Variants in GLIS3 observed in about 807,000 individuals in gnomAD.
GLIS3 encodes GLIS family zinc finger 3, also known as zinc finger protein GLIS3.
In GLIS3, 53 loss-of-function variants were observed where a neutral mutation model predicts 78.6. That is an observed-to-expected ratio of 0.67 (90% CI 0.54 to 0.85). The LOEUF (loss-of-function observed/expected upper bound fraction) is 0.85. GLIS3 is among the 40% of genes least tolerant of loss of function. The pLI is 0.00. For missense variants in GLIS3, 1,703 were observed against 1,231.1 expected, an observed-to-expected ratio of 1.38 and a Z score of -5.74; for synonymous variants, 684 against 509.9, an observed-to-expected ratio of 1.34 and a Z score of -4.60.
At chr9:3,902,560 C>T (rs987913314) in intron 6 of GLIS3, among the ~76,000 whole-genome samples, 3 of 152,204 alleles carry the variant, frequency 2.0e-5, no homozygotes, top group African/African-American at 7.2e-5. Flanking sequence ...GGAAATTTTT[C>T]AGTGACAGGA....
chr9:4,468,103 G>C, the GLIS3 span, among the ~76,000 whole-genome samples: 1 of 152,242 alleles, frequency 6.6e-6, no homozygotes, highest in Admixed American at 6.5e-5. Context: ...AGGGAAAAAA[G>C]AAATGAACAA....
intron 1 of GLIS3, among the ~76,000 whole-genome samples, chr9:4,294,933 T>C (rs1816349681): frequency 6.6e-6 from 1 of 152,238 alleles, no homozygotes; most frequent in Admixed American, 6.5e-5. Context: ...ATTTACTGCC[T>C]GAATAAATAC....
chr9:4,288,520 C>G (rs115915637), intron 1 of GLIS3, among the ~76,000 whole-genome samples: 1 of 151,822 alleles, frequency 6.6e-6, no homozygotes, highest in Non-Finnish European at 1.5e-5. Context: ...AGATCATATA[C>G]GAGCAGGAAT....
the GLIS3 span, among the ~76,000 whole-genome samples, chr9:4,425,971 G>A: frequency 6.6e-6 from 1 of 152,226 alleles, no homozygotes; most frequent in African/African-American, 2.4e-5. Context: ...GTTTGCAAAG[G>A]GTATTTGATC....
chr9:4,446,147 T>C, the GLIS3 span, among the ~76,000 whole-genome samples: 1 of 152,232 alleles, frequency 6.6e-6, no homozygotes. Context: ...CTGGTCTGAA[T>C]GTGTCCCTCC....
rs1588650642 is a variant in GLIS3 at position 4,091,619 on chromosome 9, G to T, written c.1710+26149C>A. On this transcript the variant is annotated intron_variant, in intron 4 of 10. Coordinates refer to ENST00000381971, the MANE Select transcript of GLIS3 (RefSeq NM_001042413.2). The stretch of plus-strand genomic sequence containing the variant: ...ATATGTTCTGAGAAATGTGTTAGGT[G>T]ATTTTGTTGTATAAACAGCAGAGTG... 2.6e-5 allele frequency among the ~76,000 whole-genome samples: 4 copies of T among 152,230 alleles called. No homozygotes were observed. In the South Asian group the frequency reaches 8.3e-4, roughly 32 times the overall value.
At chr9:4,486,191 C>T in the GLIS3 span, among the ~76,000 whole-genome samples, 10 of 152,120 alleles carry the variant, frequency 6.6e-5, no homozygotes, top group Non-Finnish European at 1.2e-4. Context: ...ATCCAATACC[C>T]CAAAATATGG....
At chr9:3,953,791 C>CTG (rs1401426160) in intron 4 of GLIS3, among the ~76,000 whole-genome samples, 1 of 48,002 alleles carries the variant, frequency 2.1e-5, no homozygotes, top group Non-Finnish European at 4.6e-5. Flanking sequence ...CTCTCTCTCT[C>CTG]TCTCTATATA....
chr9:4,242,105 G>A (rs919822924), intron 2 of GLIS3, among the ~76,000 whole-genome samples: 11 of 152,154 alleles, frequency 7.2e-5, no homozygotes, highest in Non-Finnish European at 1.6e-4. Context: ...GGAGTGTGCA[G>A]GGGTGCCCCA....
At chr9:4,387,305 T>C in the GLIS3 span, among the ~76,000 whole-genome samples, 278 of 152,162 alleles carry the variant, frequency 1.8e-3, 1 homozygote, top group African/African-American at 6.5e-3. Context: ...ATTTTTTTTT[T>C]AATTCCCCCT....
intron 2 of GLIS3, among the ~76,000 whole-genome samples, chr9:4,185,620 T>A (rs1212257259): frequency 6.6e-6 from 1 of 152,154 alleles, no homozygotes; most frequent in Non-Finnish European, 1.5e-5. Flanking sequence ...TAAGGAAGGT[T>A]TAATAAGGGG....
chr9:3,940,703 C>G (rs140548323), intron 4 of GLIS3, among the ~76,000 whole-genome samples: 22 of 152,276 alleles, frequency 1.4e-4, no homozygotes, highest in Non-Finnish European at 2.4e-4. Context: ...GAATAGAACA[C>G]AAGGGAGACA....
chr9:3,898,583 AAC>A, intron 7 of GLIS3, 106 bp downstream of exon 7: 2 of 1,326,054 alleles, frequency 1.5e-6, no homozygotes, highest in African/African-American at 2.9e-5. Context: ...GATAAAGAAC[AAC>A]ACAGACGATC....
rs58155144 is a variant in GLIS3, at chr9:3,932,718, G to A, written c.1873-248C>T. 1,897 of 461,724 alleles carry A rather than the reference G, an allele frequency of 4.1e-3. 25 individuals are homozygous for A. Among genetic ancestry groups the A allele is most frequent in the African/African-American group, 0.034 (1,703 of 50,156 alleles). 28.6% of individuals were successfully genotyped at this position (461,724 alleles called of 1,614,324 possible). On this transcript the variant is annotated intron_variant, in intron 5 of 10. Coordinates refer to ENST00000381971, the MANE Select transcript of GLIS3 (RefSeq NM_001042413.2). ...ATGATTTCTAAGAGATTGCTTTAGT[G>A]TGTGCTCTAACCACAAAACCTCTTG...
At chr9:4,006,675 G>A (rs1432351458) in intron 4 of GLIS3, among the ~76,000 whole-genome samples, 3 of 152,166 alleles carry the variant, frequency 2.0e-5, no homozygotes, top group South Asian at 2.1e-4. Flanking sequence ...GGGTCTTAAA[G>A]ACTTGCCTAA....
At chr9:4,223,631 G>C (rs567357856) in intron 2 of GLIS3, among the ~76,000 whole-genome samples, 4 of 152,156 alleles carry the variant, frequency 2.6e-5, no homozygotes, top group African/African-American at 9.7e-5. Flanking sequence ...CACATTCGAA[G>C]TCACTTCCCA....
At chr9:3,857,307 A>G (rs983069632) in intron 8 of GLIS3, among the ~76,000 whole-genome samples, 2 of 152,190 alleles carry the variant, frequency 1.3e-5, no homozygotes, top group African/African-American at 4.8e-5. Context: ...ATCTGCTTAC[A>G]TTGCTTATTT....
the GLIS3 span, among the ~76,000 whole-genome samples, chr9:4,480,611 A>AT: frequency 6.6e-6 from 1 of 152,064 alleles, no homozygotes; most frequent in African/African-American, 2.4e-5. Flanking sequence ...ACGTTACCAC[A>AT]TTTTCAAAAT....
At chr9:4,247,128 G>A (rs60056025) in intron 2 of GLIS3, among the ~76,000 whole-genome samples, 4,109 of 152,224 alleles carry the variant, frequency 0.027, 175 homozygotes, top group African/African-American at 0.094. Context: ...CACCAAAAGC[G>A]CGATAAAAGC....
Sources: gnomAD v4.1 joint callset for allele counts (sites outside exome capture counted in the v4.1 genomes callset) on GRCh38, gnomAD v4.1.1 for gene constraint, MANE v1.5 for transcripts, NCBI Gene and HGNC (gene_info 2026-07-23, HGNC 2026-07-21) for gene names.